GSDMA: variants seen among roughly 807,000 people sequenced by gnomAD.
GSDMA encodes gasdermin-A.
In GSDMA, 55 loss-of-function variants were observed where a neutral mutation model predicts 54.3. The ratio of observed to expected loss-of-function variants is 1.01; its 90% CI spans 0.82 to 1.27. The LOEUF is 1.27. GSDMA is among the 50% of genes most tolerant of loss of function. GSDMA has a pLI of 0.00. For missense variants in GSDMA, 542 were observed against 542.6 expected, an observed-to-expected ratio of 1.00 and a Z score of 0.01; for synonymous variants, 211 against 224.7, an observed-to-expected ratio of 0.94 and a Z score of 0.54.
At position 39,970,568 on chromosome 17, in the gene GSDMA, T is replaced by G; in HGVS notation, c.479T>G (p.Val160Gly). The G allele has an allele frequency of 6.2e-7, 1 of 1,609,932 alleles. No individual in the cohort carries two copies. The highest frequency in any genetic ancestry group is 1.7e-4 in the Middle Eastern group (1 of 6,046). Residue 160 changes from valine to glycine, a missense_variant, in exon 4 of 12, where the codon GTG (valine) becomes GGG (glycine). Physicochemically the swap from Val to Gly is moderately radical, Grantham distance 109 (BLOSUM62 -3). Coordinates refer to ENST00000301659, the MANE Select transcript of GSDMA (RefSeq NM_178171.5). ...LYVVMEVVET[V>G]QEVTLERAGK... The stretch of plus-strand genomic sequence containing the variant: ...GTGGTGATGGAGGTGGTGGAGACGG[T>G]GCAGGAGGTCACACTGGAGCGAGCC...
In GSDMA at chr17:39,974,314, CAG is replaced by C; in HGVS notation, c.801_802del (p.Glu267AspfsTer33). On this transcript the variant is annotated frameshift_variant, in exon 9 of 12. Transcript: ENST00000301659. LOFTEE classifies it high-confidence loss of function. Reference protein sequence around the residue: ...EGFRTLKEEVQRETQQVEKLS... With the variant: ...EGFRTLKEEVXRETQQVEKLS... ...CTTCAGGACACTAAAAGAAGAAGTTCAGAGAGAGACCCAACAAGTGGAGAAGC... is the reference window on the plus strand; with the variant it reads ...CTTCAGGACACTAAAAGAAGAAGTTCAGAGAGACCCAACAAGTGGAGAAGC... 1.2e-6 allele frequency: 2 copies of C among 1,611,008 alleles called. No homozygotes were observed. Among genetic ancestry groups the C allele is most frequent in the Non-Finnish European group, 1.7e-6 (2 of 1,178,674 alleles).
intron 10 of GSDMA, among the ~76,000 whole-genome samples, chr17:39,975,476 A>G (rs1980163885): frequency 6.6e-6 from 1 of 151,858 alleles, no homozygotes; most frequent in Admixed American, 6.6e-5. Flanking sequence ...TTCATTCCTA[A>G]GGATTTGCTT....
At chr17:39,971,722 G>A in intron 5 of GSDMA, 102 bp downstream of exon 5, 1 of 826,142 alleles carries the variant, frequency 1.2e-6, no homozygotes, top group Non-Finnish European at 2.0e-6. Flanking sequence ...GAATGAGTAG[G>A]GGGGTGTATT....
chr17:39,977,050 G>C lies in GSDMA; in HGVS notation c.1330G>C (p.Ala444Pro). ...GLSLLQQLTK[A>P]S ...CTCTCTCCTTCAGCAGCTTACCAAGGCCTCCTAATTTGCCTTTTACGTCTG... is the reference window on the plus strand; with the variant it reads ...CTCTCTCCTTCAGCAGCTTACCAAGCCCTCCTAATTTGCCTTTTACGTCTG... Residue 444 changes from alanine (A) to proline (P), a missense_variant, in exon 12 of 12, where the codon GCC becomes CCC. Ala to Pro is a conservative substitution (Grantham distance 27, BLOSUM62 -1). Coordinates refer to ENST00000301659, the MANE Select transcript of GSDMA (RefSeq NM_178171.5). The C allele has an allele frequency of 1.2e-6, 2 of 1,613,764 alleles. No homozygotes were observed. The highest frequency in any genetic ancestry group is 8.5e-7 in the Non-Finnish European group (1 of 1,179,828).
At chr17:39,972,019 T>C in intron 5 of GSDMA, 110 bp from the exon 6 acceptor site, 1 of 665,068 alleles carries the variant, frequency 1.5e-6, no homozygotes, top group Non-Finnish European at 2.6e-6. Flanking sequence ...ATGAAGCATT[T>C]GGGGTGCAAG....
At chr17:39,976,373 G>A (rs1980201614) in intron 11 of GSDMA, among the ~76,000 whole-genome samples, 3 of 151,646 alleles carry the variant, frequency 2.0e-5, no homozygotes, top group Admixed American at 2.0e-4. Flanking sequence ...CCGCCTCCCG[G>A]GTTCAAGCGA....
At chr17:39,967,141 G>C (rs1354419230) in intron 3 of GSDMA, among the ~76,000 whole-genome samples, 2 of 152,342 alleles carry the variant, frequency 1.3e-5, no homozygotes, top group East Asian at 3.9e-4. Context: ...ACGGGCTGGG[G>C]TGCGCCTAGA....
At chr17:39,972,325 A>C in intron 6 of GSDMA, 149 bp downstream of exon 6, 3 of 578,674 alleles carry the variant, frequency 5.2e-6, no homozygotes, top group Non-Finnish European at 5.9e-6. Flanking sequence ...ACCTAGCCTC[A>C]ACTTTAGAAA....
At chr17:39,975,887 C>T (rs1273114353) in intron 10 of GSDMA, 37 bp from the exon 11 acceptor site, 6 of 1,496,624 alleles carry the variant, frequency 4.0e-6, no homozygotes, top group Non-Finnish European at 5.5e-6. Context: ...CCCCTCTGCA[C>T]CAGCAACACA....
At chr17:39,972,745 CA>C in intron 7 of GSDMA, 132 bp downstream of exon 7, 1 of 856,204 alleles carries the variant, frequency 1.2e-6, no homozygotes, top group Non-Finnish European at 1.9e-6. Context: ...GTCCCCGAAA[CA>C]TGGCAGAAAT....
intron 11 of GSDMA, 134 bp downstream of exon 11, chr17:39,976,131 TTCTCTC>T: frequency 1.7e-6 from 1 of 578,572 alleles, no homozygotes; most frequent in Non-Finnish European, 3.1e-6. Context: ...CACTCCTCCT[TTCTCTC>T]TCTATTTCTC....
chr17:39,973,033 G>A (rs1280864739), intron 7 of GSDMA, among the ~76,000 whole-genome samples: 4 of 151,976 alleles, frequency 2.6e-5, no homozygotes, highest in African/African-American at 4.8e-5. Context: ...GTGTAGTGGC[G>A]CAATCTCAGT....
intron 5 of GSDMA, 138 bp downstream of exon 5, chr17:39,971,758 G>A: frequency 1.5e-6 from 1 of 662,244 alleles, no homozygotes; most frequent in Non-Finnish European, 2.7e-6. Flanking sequence ...TGCAGCCATG[G>A]AGCCTGCTCT....
At position 39,971,538 on chromosome 17, in the gene GSDMA, C is replaced by G; in HGVS notation, c.573C>G (p.His191Gln). Residue 191 changes from histidine to glutamine, a missense_variant, in exon 5 of 12, where the codon CAC becomes CAG. Coordinates refer to ENST00000301659, the MANE Select transcript of GSDMA (RefSeq NM_178171.5). ...APLGLQGSIN[H>Q]KEAVTIPKGC... The stretch of plus-strand genomic sequence containing the variant: ...TCTAATTCTAGGGATCCATAAATCA[C>G]AAGGAGGCTGTAACCATCCCCAAGG... The G allele has an allele frequency of 6.2e-7, 1 of 1,613,338 alleles. No homozygotes were observed. Among genetic ancestry groups the G allele is most frequent in the Non-Finnish European group, 8.5e-7 (1 of 1,179,322 alleles).
At chr17:39,973,025 G>A (rs138532175) in intron 7 of GSDMA, among the ~76,000 whole-genome samples, 18 of 152,234 alleles carry the variant, frequency 1.2e-4, no homozygotes, top group African/African-American at 3.6e-4. Context: ...AGGCTGGAGT[G>A]TAGTGGCGCA....
intron 9 of GSDMA, among the ~76,000 whole-genome samples, chr17:39,974,662 T>C (rs1980121558): frequency 6.6e-6 from 1 of 152,198 alleles, no homozygotes; most frequent in Non-Finnish European, 1.5e-5. Context: ...CCAAGGCACA[T>C]GCTCCCTCTG....
At chr17:39,975,133 A>G (rs1980146776) in intron 10 of GSDMA, 119 bp downstream of exon 10, 1 of 672,018 alleles carries the variant, frequency 1.5e-6, no homozygotes, top group Non-Finnish European at 2.7e-6. Flanking sequence ...ACAGTTAAGT[A>G]GTTTATATCT....
In GSDMA at chr17:39,972,171, C is replaced by A. The variant is rs376355189; in HGVS notation, c.698C>A (p.Pro233His). Reference protein sequence around the residue: ...ICNDNMQTFPPGEKSGEEKVI... With the variant: ...ICNDNMQTFPHGEKSGEEKVI... ...AATGATAACATGCAAACCTTCCCTC[C>A]TGGAGGTAAGTGAAATTGCTTACGG... The change falls in exon 6 of 12, where the codon CCT becomes CAT. Residue 233 changes from proline (P) to histidine (H), a missense_variant. By Grantham distance (77) the Pro-to-His change is moderately conservative. Transcript: ENST00000301659. 14 of 1,601,932 alleles carry A rather than the reference C, an allele frequency of 8.7e-6. No homozygotes were observed. The highest frequency in any genetic ancestry group is 1.7e-5 in the Admixed American group (1 of 59,258).
At chr17:39,967,004 C>T (rs1280065811) in intron 3 of GSDMA, among the ~76,000 whole-genome samples, 1 of 152,012 alleles carries the variant, frequency 6.6e-6, no homozygotes, top group Non-Finnish European at 1.5e-5. Flanking sequence ...GGATGTTTGG[C>T]TTGACACGGG....
Sources: allele counts gnomAD v4.1 joint callset (sites outside exome capture counted in the v4.1 genomes callset), GRCh38; gene constraint gnomAD v4.1.1; transcripts MANE v1.5; gene names NCBI Gene and HGNC (gene_info 2026-07-23, HGNC 2026-07-21).